The following DNAJB4 variants were observed in gnomAD, a reference collection of about 807,000 sequenced individuals.
The protein encoded by DNAJB4 is dnaJ homolog subfamily B member 4.
A neutral mutation model predicts 26.6 loss-of-function variants in DNAJB4; 10 were observed. That is an observed-to-expected ratio of 0.38 (90% confidence interval 0.23 to 0.64). DNAJB4 has a LOEUF of 0.64. Ranked by LOEUF, DNAJB4 falls within the 30% of genes least tolerant of loss-of-function variation. DNAJB4 has a pLI of 0.58. For missense variants in DNAJB4, 328 were observed against 408.2 expected, an observed-to-expected ratio of 0.80 and a Z score of 1.69; for synonymous variants, 136 against 134.8, an observed-to-expected ratio of 1.01 and a Z score of -0.06.
In DNAJB4 at chr1:78,009,519, C is replaced by T. The variant is rs566042638; in HGVS notation, c.212-3532C>T. Among the ~76,000 whole-genome samples, 69 of 152,216 alleles carry T rather than the reference C, an allele frequency of 4.5e-4. 1 individual carries two copies. In the South Asian group the frequency reaches 0.013, roughly 29 times the overall value. On this transcript the variant is annotated intron_variant, in intron 1 of 2. Coordinates refer to ENST00000370763, the MANE Select transcript of DNAJB4 (RefSeq NM_007034.5). Reference sequence around the variant, plus strand: ...TGATCACACAAAGTGATGACGATGTCTAGAAAACATTTTGAATAGCAGAGG... The same window carrying T: ...TGATCACACAAAGTGATGACGATGTTTAGAAAACATTTTGAATAGCAGAGG...
At chr1:77,994,181 A>G (rs1660005799) in intron 1 of DNAJB4, among the ~76,000 whole-genome samples, 1 of 152,068 alleles carries the variant, frequency 6.6e-6, no homozygotes, top group African/African-American at 2.4e-5. Context: ...GTGGGAAGAT[A>G]GCTTGAGCCC....
intron 1 of DNAJB4, among the ~76,000 whole-genome samples, chr1:77,982,344 C>T (rs1659672617): frequency 1.3e-5 from 2 of 152,100 alleles, no homozygotes; most frequent in South Asian, 2.1e-4. Flanking sequence ...TGTTTCTTTT[C>T]CTATTGGATC....
intron 2 of DNAJB4, among the ~76,000 whole-genome samples, chr1:78,015,068 C>T (rs1409839953): frequency 6.6e-6 from 1 of 152,148 alleles, no homozygotes; most frequent in Admixed American, 6.6e-5. Context: ...TACAAAAGAC[C>T]TCCATGCTTA....
chr1:77,995,748 G>A lies in DNAJB4; in HGVS notation c.-31-9332G>A, dbSNP rs1660045462. ...GATTACAAGTGTGAGCTATCACCCTGGGCCTAACTCAGTGTTTAAAATCAG... is the reference window on the plus strand; with the variant it reads ...GATTACAAGTGTGAGCTATCACCCTAGGCCTAACTCAGTGTTTAAAATCAG... On this transcript the variant is annotated intron_variant, in intron 1 of 2. Transcript: ENST00000426517. Among the ~76,000 whole-genome samples the A allele has an allele frequency of 7.2e-5, 11 of 152,294 alleles. No homozygotes were observed. In the South Asian group the frequency reaches 2.3e-3, roughly 32 times the overall value.
chr1:78,002,804 T>C (rs962282031), upstream of DNAJB4, among the ~76,000 whole-genome samples: 1 of 152,210 alleles, frequency 6.6e-6, no homozygotes, highest in African/African-American at 2.4e-5. Context: ...TTTTCAACTT[T>C]ACAATTACGA....
upstream of DNAJB4, chr1:78,004,344 CCTTTA>C (rs1276830384): frequency 6.6e-5 from 10 of 152,112 alleles, no homozygotes; most frequent in African/African-American, 2.4e-4. Context: ...ATGTTTAAGT[CCTTTA>C]CTTATTTTAA....
chr1:77,999,093 T>C (rs1326181140), intron 1 of DNAJB4, among the ~76,000 whole-genome samples: 1 of 152,240 alleles, frequency 6.6e-6, no homozygotes, highest in African/African-American at 2.4e-5. Context: ...TAGTGCTTAC[T>C]GGTTTTTTAG....
rs998708698 is a variant in DNAJB4 at position 78,016,548 on chromosome 1, T to C, written c.*301T>C. ...AGTGGATATATTTCTAATGAAGTGC[T>C]AGACTATCCAATTACTTAATTTCTT... On this transcript the variant is annotated 3_prime_UTR_variant, in exon 3 of 3. Transcript: ENST00000370763. 3 of 288,866 alleles carry C rather than the reference T, an allele frequency of 1.0e-5. No individual in the cohort carries two copies. In the Admixed American group the frequency reaches 1.4e-4, roughly 14 times the overall value. The allele number at this position is 288,866 out of a possible 1,614,324, so 17.9% of individuals were successfully genotyped here.
At chr1:77,982,643 C>CA (rs1254264285) in intron 1 of DNAJB4, among the ~76,000 whole-genome samples, 1 of 152,136 alleles carries the variant, frequency 6.6e-6, no homozygotes, top group Admixed American at 6.5e-5. Flanking sequence ...ACTAAAAATA[C>CA]AAAAATTAGC....
intron 1 of DNAJB4, among the ~76,000 whole-genome samples, chr1:78,010,086 T>G (rs1239020622): frequency 6.6e-6 from 1 of 152,226 alleles, no homozygotes; most frequent in Non-Finnish European, 1.5e-5. Flanking sequence ...GACTTTGTAA[T>G]TATGACCGAA....
Position 77,998,651 on chromosome 1 carries a change from G to A in DNAJB4, c.-31-6429G>A, listed in dbSNP as rs190616121. ...GCCCAGGAGTTCTAGACCAGCCTGGGCAACATGGCGAAACCTCATCTGTAC... is the reference window on the plus strand; with the variant it reads ...GCCCAGGAGTTCTAGACCAGCCTGGACAACATGGCGAAACCTCATCTGTAC... On this transcript the variant is annotated intron_variant, in intron 1 of 2. Transcript: ENST00000426517. Among the ~76,000 whole-genome samples the A allele has an allele frequency of 5.2e-3, 784 of 152,110 alleles. 3 individuals carry two copies. The highest frequency in any genetic ancestry group is 7.1e-3 in the Non-Finnish European group (485 of 67,996).
chr1:78,005,035 T>G lies in DNAJB4; in HGVS notation c.-76T>G, dbSNP rs1660292797. The G allele has an allele frequency of 6.9e-7, 1 of 1,449,144 alleles. No homozygotes were observed. The highest frequency in any genetic ancestry group is 2.3e-5 in the East Asian group (1 of 44,002). The allele number at this position is 1,449,144 out of a possible 1,614,324, so 89.8% of individuals were successfully genotyped here. A position where few individuals can be genotyped will look rare whatever the true frequency, so the allele number is the denominator to read the frequency against. On this transcript the variant is annotated 5_prime_UTR_variant, in exon 1 of 3. Coordinates refer to ENST00000370763, the MANE Select transcript of DNAJB4 (RefSeq NM_007034.5). ...AATACCCAGCTTGGTTTATTTTTCT[T>G]AGAATCTGTTGCTAAGACTGGGGAC...
intron 1 of DNAJB4, chr1:77,980,339 A>ATATATATGTGTGTG (rs1477495217): frequency 1.5e-4 from 19 of 126,072 alleles, no homozygotes; most frequent in African/African-American, 6.6e-4. Flanking sequence ...ATATATATAT[A>ATATATATGTGTGTG]TGTGTGTGTG....
upstream of DNAJB4, among the ~76,000 whole-genome samples, chr1:77,979,805 G>T (rs1659456913): frequency 6.6e-6 from 1 of 152,112 alleles, no homozygotes; most frequent in Admixed American, 6.5e-5. Context: ...AAACGTGATT[G>T]TTCTTAAAGT....
chr1:77,989,332 C>T (rs1659879822), intron 1 of DNAJB4, among the ~76,000 whole-genome samples: 1 of 151,800 alleles, frequency 6.6e-6, no homozygotes, highest in African/African-American at 2.4e-5. Flanking sequence ...TTTAAATATC[C>T]TCCTCTATAT....
At chr1:77,980,769 A>G (rs1003485600) in intron 1 of DNAJB4, among the ~76,000 whole-genome samples, 6 of 152,218 alleles carry the variant, frequency 3.9e-5, no homozygotes, top group African/African-American at 1.2e-4. Context: ...ATATGAATGT[A>G]GATACAGGTG....
chr1:77,990,956 C>T (rs948877459), intron 1 of DNAJB4, among the ~76,000 whole-genome samples: 2 of 152,170 alleles, frequency 1.3e-5, no homozygotes, highest in African/African-American at 4.8e-5. Flanking sequence ...GGTTACAATC[C>T]AGTGGATGAG....
chr1:78,001,776 C>A (rs1239431407), upstream of DNAJB4, among the ~76,000 whole-genome samples: 1 of 152,168 alleles, frequency 6.6e-6, no homozygotes, highest in Non-Finnish European at 1.5e-5. Context: ...GATCCTACTG[C>A]CTTGGCCTCC....
intron 1 of DNAJB4, among the ~76,000 whole-genome samples, chr1:77,995,637 A>G (rs1046360890): frequency 1.3e-5 from 2 of 152,096 alleles, no homozygotes; most frequent in African/African-American, 4.8e-5. Context: ...TATTTTTTGT[A>G]GATACGAGGT....
Sources: allele counts gnomAD v4.1 joint callset (sites outside exome capture counted in the v4.1 genomes callset), GRCh38; gene constraint gnomAD v4.1.1; transcripts MANE v1.5; gene names NCBI Gene and HGNC (gene_info 2026-07-23, HGNC 2026-07-21).